NCALD: variants seen among roughly 807,000 people sequenced by gnomAD.
NCALD encodes the protein neurocalcin delta.
In NCALD, 10 loss-of-function variants were observed where a neutral mutation model predicts 18.6. That is an observed-to-expected ratio of 0.54 (90% CI 0.33 to 0.91). The LOEUF is 0.91. Among genes scored for constraint, NCALD ranks in the 40% least tolerant of loss-of-function variants. The probability of loss-of-function intolerance (pLI) is 0.03; values close to 1 mark genes in which losing one functional copy is unlikely to be tolerated. For synonymous variants in NCALD, 88 were observed against 87.4 expected (o/e 1.01, Z -0.04); for missense variants, 184 against 247.6 (o/e 0.74, Z 1.72).
At chr8:101,828,610 T>C (rs533973278) in intron 4 of NCALD, among the ~76,000 whole-genome samples, 1 of 151,588 alleles carries the variant, frequency 6.6e-6, no homozygotes, top group South Asian at 2.1e-4. Context: ...TATAACTCAT[T>C]TTTTTTTAAG....
chr8:101,827,462 C>A (rs1391260107), intron 4 of NCALD, among the ~76,000 whole-genome samples: 2 of 152,210 alleles, frequency 1.3e-5, no homozygotes, highest in Non-Finnish European at 2.9e-5. Flanking sequence ...AGTCCCTGAA[C>A]AAATAGTACG....
chr8:101,835,344 C>T (rs1184543055), intron 4 of NCALD, among the ~76,000 whole-genome samples: 1 of 152,246 alleles, frequency 6.6e-6, no homozygotes, highest in Admixed American at 6.5e-5. Flanking sequence ...CCCCGCTTCC[C>T]TCCACCTTCT....
intron 4 of NCALD, among the ~76,000 whole-genome samples, chr8:101,874,563 G>C (rs1816151335): frequency 6.6e-6 from 1 of 151,934 alleles, no homozygotes; most frequent in Admixed American, 6.6e-5. Context: ...TCTGAGACAG[G>C]GTCTCCCTCT....
chr8:101,710,258 T>C (rs1386677192), intron 2 of NCALD, among the ~76,000 whole-genome samples: 2 of 152,204 alleles, frequency 1.3e-5, no homozygotes, highest in Non-Finnish European at 1.5e-5. Context: ...TTTCATGGTC[T>C]TCACAACCCG....
At chr8:101,871,765 C>A in intron 4 of NCALD, 2 of 254,700 alleles carry the variant, frequency 7.9e-6, no homozygotes, top group Admixed American at 5.1e-5. Context: ...CTTGCTTTTC[C>A]TTTTCTTAAA....
intron 4 of NCALD, among the ~76,000 whole-genome samples, chr8:101,859,551 G>A (rs1389533109): frequency 6.6e-6 from 1 of 152,066 alleles, no homozygotes; most frequent in Non-Finnish European, 1.5e-5. Flanking sequence ...CCAAGAATAG[G>A]AGGCTAGATA....
At chr8:101,693,312 C>T (rs1050814506) in intron 2 of NCALD, 4 of 130,078 alleles carry the variant, frequency 3.1e-5, no homozygotes, top group African/African-American at 1.1e-4. Context: ...CCCCACCACA[C>T]AGGGCGTTTT....
At chr8:101,800,472 C>G (rs1276807055) in intron 4 of NCALD, among the ~76,000 whole-genome samples, 1 of 150,822 alleles carries the variant, frequency 6.6e-6, no homozygotes, top group Non-Finnish European at 1.5e-5. Flanking sequence ...GAAAAAAGAG[C>G]AATAAATAAT....
intron 3 of NCALD, among the ~76,000 whole-genome samples, chr8:101,911,494 AC>A (rs1190501914): frequency 1.3e-5 from 2 of 151,594 alleles, no homozygotes; most frequent in African/African-American, 4.8e-5. Context: ...AGTACCTGAG[AC>A]TGCAGGCAGA....
chr8:101,974,233 C>A (rs1267529457), intron 2 of NCALD, among the ~76,000 whole-genome samples: 1 of 152,124 alleles, frequency 6.6e-6, no homozygotes, highest in African/African-American at 2.4e-5. Flanking sequence ...AATGGCAAAA[C>A]CCGCAATTAC....
chr8:101,904,301 C>T (rs185736046), intron 3 of NCALD, among the ~76,000 whole-genome samples: 17 of 152,260 alleles, frequency 1.1e-4, no homozygotes, highest in African/African-American at 2.4e-4. Context: ...CCCCCGCCCC[C>T]GCTCCCCTAA....
chr8:102,115,598 T>C (rs1428870636), intron 1 of NCALD, among the ~76,000 whole-genome samples: 1 of 152,340 alleles, frequency 6.6e-6, no homozygotes, highest in African/African-American at 2.4e-5. Context: ...ATGTGCCCGA[T>C]GTACACAGGC....
chr8:101,929,281 GA>G (rs1818455706), intron 2 of NCALD, among the ~76,000 whole-genome samples: 5 of 45,802 alleles, frequency 1.1e-4, no homozygotes, highest in Admixed American at 2.0e-4. Context: ...TGGAGGGAGG[GA>G]GGGAGGGAGG....
At chr8:101,806,626 G>A (rs1045595090) in intron 4 of NCALD, among the ~76,000 whole-genome samples, 1 of 152,078 alleles carries the variant, frequency 6.6e-6, no homozygotes, top group Non-Finnish European at 1.5e-5. Flanking sequence ...AAAAGAATGA[G>A]TGAGGCTGAA....
chr8:101,955,662 TAATC>T (rs962992663), intron 2 of NCALD, among the ~76,000 whole-genome samples: 6 of 152,228 alleles, frequency 3.9e-5, no homozygotes, highest in Non-Finnish European at 5.9e-5. Context: ...AGATAATTCT[TAATC>T]TATTTTCGGT....
At chr8:101,945,627 T>C (rs1408980740) in intron 2 of NCALD, among the ~76,000 whole-genome samples, 1 of 152,240 alleles carries the variant, frequency 6.6e-6, no homozygotes, top group African/African-American at 2.4e-5. Context: ...AAAATGCTTA[T>C]GCTGGCACTG....
At chr8:101,962,621 C>G (rs1355554338) in intron 2 of NCALD, among the ~76,000 whole-genome samples, 1 of 152,186 alleles carries the variant, frequency 6.6e-6, no homozygotes, top group Non-Finnish European at 1.5e-5. Flanking sequence ...TGCAAAATCT[C>G]AGACAACTCT....
At chr8:102,018,468 T>C (rs937066741) in intron 2 of NCALD, among the ~76,000 whole-genome samples, 1 of 151,914 alleles carries the variant, frequency 6.6e-6, no homozygotes, top group African/African-American at 2.4e-5. Flanking sequence ...TCAAAAAAAA[T>C]GCGCCAAGTG....
intron 2 of NCALD, among the ~76,000 whole-genome samples, chr8:101,957,310 T>G (rs1819671439): frequency 6.7e-6 from 1 of 148,852 alleles, no homozygotes; most frequent in Admixed American, 6.7e-5. Context: ...TTTTTTTTTT[T>G]TTTTAGCACA....
Sources: allele counts gnomAD v4.1 joint callset (sites outside exome capture counted in the v4.1 genomes callset), GRCh38; gene constraint gnomAD v4.1.1; transcripts MANE v1.5; gene names NCBI Gene and HGNC (gene_info 2026-07-23, HGNC 2026-07-21).